Variants in SH3D21 observed in about 807,000 individuals in gnomAD.
The protein encoded by SH3D21 is SH3 domain-containing protein 21.
SH3D21 carries 83 observed loss-of-function variants against 82.1 expected under a neutral mutation model. The observed-to-expected ratio is 1.01, with a 90% confidence interval of 0.85 to 1.21. SH3D21 has a LOEUF of 1.21. Among genes scored for constraint, SH3D21 ranks in the 50% most tolerant of loss-of-function variants. The probability of loss-of-function intolerance (pLI) is 0.00; values close to 1 mark genes in which losing one functional copy is unlikely to be tolerated. For missense variants in SH3D21, 980 were observed against 962.1 expected (o/e 1.02, Z -0.25); for synonymous variants, 383 against 387.8 (o/e 0.99, Z 0.15).
At chr1:36,313,493 C>G (rs920080640) in intron 10 of SH3D21, among the ~76,000 whole-genome samples, 2 of 151,936 alleles carry the variant, frequency 1.3e-5, no homozygotes, top group African/African-American at 4.8e-5. Context: ...GGGTAAAATT[C>G]TTGAATCAAT....
chr1:36,320,870 C>G (rs1181873248), intron 14 of SH3D21, 45 bp from the exon 15 acceptor site: 7 of 1,551,604 alleles, frequency 4.5e-6, no homozygotes. Context: ...CCCCTCACCT[C>G]CAGCCCTCAC....
In SH3D21 at chr1:36,306,839, CAGG is replaced by C. The variant is rs1394947023; in HGVS notation, c.163_165del (p.Glu55del). ...AGCGCCTTCCCCGTGCCCTGATTCCCAGGAGATCCCAGAGACCCTGCGGGGCTC... is the reference window on the plus strand; with the variant it reads ...AGCGCCTTCCCCGTGCCCTGATTCCCAGATCCCAGAGACCCTGCGGGGCTC... On this transcript the variant is annotated splice_acceptor_variant and coding_sequence_variant, in exon 3 of 16. Coordinates refer to ENST00000453908, the MANE Select transcript of SH3D21 (RefSeq NM_001162530.2). LOFTEE classifies it high-confidence loss of function. The surrounding 1 kb of genome is among the most constrained non-coding windows in gnomAD (Gnocchi z 4.5). 1.5e-6 allele frequency: 2 copies of C among 1,296,440 alleles called. No homozygotes were observed. Among genetic ancestry groups the C allele is most frequent in the African/African-American group, 3.1e-5 (2 of 64,776 alleles). The allele number at this position is 1,296,440 out of a possible 1,614,324, so 80.3% of individuals were successfully genotyped here.
chr1:36,322,705 G>A (rs1241691917), downstream of SH3D21: 1 of 1,547,312 alleles, frequency 6.5e-7, no homozygotes, highest in Non-Finnish European at 8.7e-7. Context: ...ACGAAGTAGA[G>A]GCCGAAGCTC....
rs1471941674 is a variant in SH3D21, at chr1:36,307,041, C to T, written c.227-126C>T. Reference sequence around the variant, plus strand: ...CGCCCTGCGGTCTGTGATTGGTTCTCGAGTGCAATGCTCCGCCCTGGGGCG... The same window carrying T: ...CGCCCTGCGGTCTGTGATTGGTTCTTGAGTGCAATGCTCCGCCCTGGGGCG... On this transcript the variant is annotated intron_variant, in intron 3 of 15. Transcript: ENST00000453908. The surrounding 1 kb of genome is among the most constrained non-coding windows in gnomAD (Gnocchi z 5.4). 2.0e-6 allele frequency: 3 copies of T among 1,464,332 alleles called. No homozygotes were observed. Among genetic ancestry groups the T allele is most frequent in the Non-Finnish European group, 2.7e-6 (3 of 1,104,446 alleles). The allele number at this position is 1,464,332 out of a possible 1,614,324, so 90.7% of individuals were successfully genotyped here.
intron 10 of SH3D21, among the ~76,000 whole-genome samples, chr1:36,315,516 A>C (rs961845917): frequency 2.6e-5 from 4 of 151,696 alleles, no homozygotes; most frequent in Non-Finnish European, 4.4e-5. Flanking sequence ...TGCCCGGCTA[A>C]TTTTTTTATT....
Position 36,320,424 on chromosome 1 carries a change from C to T in SH3D21, c.1761C>T (p.Thr587=), listed in dbSNP as rs758792665. The T allele has an allele frequency of 1.2e-6, 2 of 1,613,090 alleles. No homozygotes were observed. Among genetic ancestry groups the T allele is most frequent in the Non-Finnish European group, 1.7e-6 (2 of 1,179,622 alleles). The stretch of plus-strand genomic sequence containing the variant: ...CCCACCCCCACGAAGAGGCTACAAC[C>T]CTTCCAGAGGAGGCACCTTCCAATG... ...EKPHPHEEAT[T]LPEEAPSNDE... Residue 587 remains threonine (T), a synonymous_variant, in exon 14 of 16, where the codon ACC becomes ACT. Coordinates refer to ENST00000453908, the MANE Select transcript of SH3D21 (RefSeq NM_001162530.2).
At chr1:36,324,084 C>T (rs1646515834), downstream of SH3D21, 1 of 152,320 alleles carries the variant, frequency 6.6e-6, no homozygotes, top group African/African-American at 2.4e-5. Context: ...AGCTGCTTCT[C>T]TTCCCCAGAC....
rs1646456519 is a variant in SH3D21, at chr1:36,321,190, A to G, written c.*63A>G. Reference sequence around the variant, plus strand: ...GGGGCCACCCACGTCCTTGCACACGACTTTGGGAAACGCGAGAAAGTAAAC... The same window carrying G: ...GGGGCCACCCACGTCCTTGCACACGGCTTTGGGAAACGCGAGAAAGTAAAC... On this transcript the variant is annotated 3_prime_UTR_variant, in exon 16 of 16. Coordinates refer to ENST00000453908, the MANE Select transcript of SH3D21 (RefSeq NM_001162530.2). The surrounding 1 kb of genome is among the most constrained non-coding windows in gnomAD (Gnocchi z 6.1). 1.9e-6 allele frequency: 3 copies of G among 1,566,224 alleles called. No individual in the cohort carries two copies. In the Admixed American group the frequency reaches 5.6e-5, roughly 29 times the overall value.
intron 14 of SH3D21, 32 bp downstream of exon 14, chr1:36,320,830 T>C (rs904660009): frequency 1.6e-5 from 24 of 1,547,292 alleles, no homozygotes; most frequent in Non-Finnish European, 2.1e-5. Flanking sequence ...TTGTGGAAGG[T>C]AGGGTTCCCC....
chr1:36,326,629 TG>T (rs1646548271), downstream of SH3D21, among the ~76,000 whole-genome samples: 1 of 152,042 alleles, frequency 6.6e-6, no homozygotes, highest in Non-Finnish European at 1.5e-5. Context: ...ATCCCTGTGG[TG>T]GCTCAGTGTA....
downstream of SH3D21, chr1:36,322,553 C>G (rs201954279): frequency 1.3e-6 from 2 of 1,596,368 alleles, no homozygotes; most frequent in Admixed American, 1.7e-5. Flanking sequence ...CCTCCTCGTC[C>G]TCGTCGTCGT....
chr1:36,310,716 T>G (rs1401972473), intron 10 of SH3D21, among the ~76,000 whole-genome samples: 1 of 152,172 alleles, frequency 6.6e-6, no homozygotes, highest in Non-Finnish European at 1.5e-5. Flanking sequence ...TCTTTCCTAT[T>G]CTACCACTTC....
Position 36,307,452 on chromosome 1 carries a change from T to C in SH3D21, c.346-65T>C, listed in dbSNP as rs1646151273. On this transcript the variant is annotated intron_variant, in intron 4 of 15. Transcript: ENST00000453908. The surrounding 1 kb of genome is among the most constrained non-coding windows in gnomAD (Gnocchi z 5.4). ...AGGGGCGCTTGGGCAGAACCAAGGG[T>C]GGCAGATTATCCTAGGGACTCTTGG... 1 of 1,527,514 alleles carries C rather than the reference T, an allele frequency of 6.5e-7. No individual in the cohort carries two copies. Among genetic ancestry groups the C allele is most frequent in the Admixed American group, 2.0e-5 (1 of 50,148 alleles). The allele number at this position is 1,527,514 out of a possible 1,614,324, so 94.6% of individuals were successfully genotyped here. A position where few individuals can be genotyped will look rare whatever the true frequency, so the allele number is the denominator to read the frequency against.
intron 10 of SH3D21, among the ~76,000 whole-genome samples, chr1:36,310,797 C>G (rs985407746): frequency 1.3e-5 from 2 of 152,144 alleles, no homozygotes. Flanking sequence ...AGTTTTCTTA[C>G]AAAAGTATGT....
At chr1:36,309,753 TG>T (rs1344698155) in intron 10 of SH3D21, among the ~76,000 whole-genome samples, 163 bp downstream of exon 10, 2 of 136,798 alleles carry the variant, frequency 1.5e-5, no homozygotes, top group Admixed American at 1.7e-4. Flanking sequence ...AATCAATGTG[TG>T]GGTCAGTTTG....
At chr1:36,318,476 A>G (rs977758420) in intron 10 of SH3D21, among the ~76,000 whole-genome samples, 36 of 152,256 alleles carry the variant, frequency 2.4e-4, no homozygotes, top group African/African-American at 8.7e-4. Flanking sequence ...GAATATAAAG[A>G]ATTCTGAGAG....
chr1:36,311,532 G>T (rs1209850687), intron 10 of SH3D21, among the ~76,000 whole-genome samples: 2 of 152,154 alleles, frequency 1.3e-5, no homozygotes, highest in Non-Finnish European at 2.9e-5. Context: ...GAGCCATCGT[G>T]CCCGGCCTAA....
At position 36,320,236 on chromosome 1, in the gene SH3D21, T is replaced by A; in HGVS notation, c.1573T>A (p.Ser525Thr). Reference sequence around the variant, plus strand: ...GTACTTTGTAGCCAAAGAGGATCCATCATCCCAGGAGGAGGCCCACACGCC... The same window carrying A: ...GTACTTTGTAGCCAAAGAGGATCCAACATCCCAGGAGGAGGCCCACACGCC... ...VKYFVAKEDPSSQEEAHTPEA... is the reference protein window; with the variant it reads ...VKYFVAKEDPTSQEEAHTPEA... Residue 525 changes from serine to threonine, a missense_variant, in exon 14 of 16, where the codon TCA becomes ACA. Ser to Thr is a moderately conservative substitution (Grantham distance 58, BLOSUM62 1). Transcript: ENST00000453908. The A allele has an allele frequency of 6.2e-7, 1 of 1,613,074 alleles. No individual in the cohort carries two copies. Among genetic ancestry groups the A allele is most frequent in the South Asian group, 1.1e-5 (1 of 91,078 alleles).
rs955371189 is a variant in SH3D21 at position 36,307,141 on chromosome 1, G to A, written c.227-26G>A. 6.4e-7 allele frequency: 1 copy of A among 1,551,080 alleles called. No individual in the cohort carries two copies. Among genetic ancestry groups the A allele is most frequent in the Admixed American group, 2.0e-5 (1 of 50,996 alleles). On this transcript the variant is annotated intron_variant, in intron 3 of 15. Transcript: ENST00000453908. The surrounding 1 kb of genome is among the most constrained non-coding windows in gnomAD (Gnocchi z 5.4). The stretch of plus-strand genomic sequence containing the variant: ...CCTCTGACTGGGGCGTCCGACTGGA[G>A]CTCAGCCGCGCTTGTCCGGTGCTAG...
Sources: allele counts gnomAD v4.1 joint callset (sites outside exome capture counted in the v4.1 genomes callset), GRCh38; gene constraint gnomAD v4.1.1; non-coding constraint Gnocchi (gnomAD v3.1); transcripts MANE v1.5; gene names NCBI Gene and HGNC (gene_info 2026-07-23, HGNC 2026-07-21).